The following ATXN1 variants were observed in gnomAD, a reference collection of about 807,000 sequenced individuals.
ATXN1 encodes ataxin 1.
In ATXN1, 8 loss-of-function variants were observed where a neutral mutation model predicts 56.4. The ratio of observed to expected loss-of-function variants is 0.14; its 90% confidence interval spans 0.08 to 0.26. The LOEUF (loss-of-function observed/expected upper bound fraction) is 0.26. ATXN1 is among the 10% of genes least tolerant of loss of function. The pLI, the probability that ATXN1 is intolerant of heterozygous loss-of-function variation, is 1.00. For synonymous variants in ATXN1, 514 were observed against 494.6 expected, an observed-to-expected ratio of 1.04 and a Z score of -0.52; for missense variants, 987 against 1,106.5, an observed-to-expected ratio of 0.89 and a Z score of 1.53.
intron 4 of ATXN1, among the ~76,000 whole-genome samples, chr6:16,560,920 T>C (rs1762104221): frequency 6.6e-6 from 1 of 152,184 alleles, no homozygotes; most frequent in African/African-American, 2.4e-5. Flanking sequence ...CAACCTTGCC[T>C]CTTCAAAATG....
chr6:16,319,372 T>A (rs766108328), intron 7 of ATXN1, among the ~76,000 whole-genome samples: 1 of 152,222 alleles, frequency 6.6e-6, no homozygotes, highest in Non-Finnish European at 1.5e-5. Context: ...TGATTCCAAC[T>A]GCATGGCATT....
At chr6:16,647,281 C>T (rs954358878) in intron 3 of ATXN1, among the ~76,000 whole-genome samples, 5 of 152,160 alleles carry the variant, frequency 3.3e-5, no homozygotes, top group African/African-American at 4.8e-5. Context: ...GGATTACAGG[C>T]GTGAGCCACC....
At chr6:16,548,205 A>G (rs1044750539) in intron 4 of ATXN1, among the ~76,000 whole-genome samples, 1 of 152,254 alleles carries the variant, frequency 6.6e-6, no homozygotes, top group Non-Finnish European at 1.5e-5. Context: ...ACCTAAATAT[A>G]GAAAAGATAC....
chr6:16,444,604 T>C lies in ATXN1; in HGVS notation c.-161+41368A>G, dbSNP rs145763191. 3.2e-3 allele frequency among the ~76,000 whole-genome samples: 494 copies of C among 152,258 alleles called. 2 individuals are homozygous for C. The highest frequency in any genetic ancestry group is 0.011 in the African/African-American group (472 of 41,528). ...TAGCTGTATCGTGCAAATTGGTAAATAGACAGAATCTAGTATATTATCCTG... is the reference window on the plus strand; with the variant it reads ...TAGCTGTATCGTGCAAATTGGTAAACAGACAGAATCTAGTATATTATCCTG... On this transcript the variant is annotated intron_variant, in intron 6 of 7. Coordinates refer to ENST00000436367, the MANE Select transcript of ATXN1 (RefSeq NM_001128164.2).
At chr6:16,632,226 G>A (rs1171598729) in intron 3 of ATXN1, among the ~76,000 whole-genome samples, 1 of 152,088 alleles carries the variant, frequency 6.6e-6, no homozygotes, top group Admixed American at 6.5e-5. Context: ...CCGCATGTTA[G>A]AGGCATCCTT....
chr6:16,306,197 A>C lies in ATXN1; in HGVS notation c.*132T>G. On this transcript the variant is annotated 3_prime_UTR_variant, in exon 8 of 8. Coordinates refer to ENST00000436367, the MANE Select transcript of ATXN1 (RefSeq NM_001128164.2). The surrounding 1 kb of genome is among the most constrained non-coding windows in gnomAD (Gnocchi z 5.2). Reference sequence around the variant, plus strand: ...CCTGCGACACACCTGCTGTAACTCTAATGACAAGGTTAGAACAGAAACCTA... The same window carrying C: ...CCTGCGACACACCTGCTGTAACTCTCATGACAAGGTTAGAACAGAAACCTA... 1 of 1,147,740 alleles carries C rather than the reference A, an allele frequency of 8.7e-7. No individual in the cohort carries two copies. Among genetic ancestry groups the C allele is most frequent in the Non-Finnish European group, 1.2e-6 (1 of 817,138 alleles). The allele number at this position is 1,147,740 out of a possible 1,614,324, so 71.1% of individuals were successfully genotyped here.
chr6:16,385,794 C>T (rs73724847), intron 6 of ATXN1, among the ~76,000 whole-genome samples: 17,815 of 152,254 alleles, frequency 0.12, 1,103 homozygotes, highest in African/African-American at 0.14. Context: ...TGGCTTACTA[C>T]TTTGCCTTTG....
intron 4 of ATXN1, among the ~76,000 whole-genome samples, chr6:16,581,394 T>C (rs1394380879): frequency 6.6e-6 from 1 of 151,872 alleles, no homozygotes; most frequent in Non-Finnish European, 1.5e-5. Context: ...AGGGATACAA[T>C]AGAGAAAAAG....
chr6:16,399,120 G>C (rs1449523027), intron 6 of ATXN1, among the ~76,000 whole-genome samples: 1 of 152,172 alleles, frequency 6.6e-6, no homozygotes, highest in Non-Finnish European at 1.5e-5. Context: ...CCCCTTGTCA[G>C]GATTTTTGAG....
intron 2 of ATXN1, among the ~76,000 whole-genome samples, chr6:16,697,067 T>C (rs893197312): frequency 1.3e-5 from 2 of 152,178 alleles, no homozygotes; most frequent in Non-Finnish European, 2.9e-5. Context: ...CACGTTACAG[T>C]GGAAACGCCA....
chr6:16,549,983 G>A (rs576683631), intron 4 of ATXN1, among the ~76,000 whole-genome samples: 12 of 150,698 alleles, frequency 8.0e-5, no homozygotes, highest in African/African-American at 2.7e-4. Flanking sequence ...GACACAGGAA[G>A]GGGAACAACA....
chr6:16,346,878 G>A lies in ATXN1; in HGVS notation c.-160-18408C>T, dbSNP rs933736518. Among the ~76,000 whole-genome samples, 13 of 152,232 alleles carry A rather than the reference G, an allele frequency of 8.5e-5. No homozygotes were observed. In the East Asian group the frequency reaches 2.5e-3, roughly 29 times the overall value. The stretch of plus-strand genomic sequence containing the variant: ...GCTCCCTCAGCTTGCGCGGAGGTGT[G>A]GAAGGAGAGGCGTGGGTGGGAACCC... On this transcript the variant is annotated intron_variant, in intron 6 of 7. Transcript: ENST00000436367.
chr6:16,340,934 C>T (rs1376241835), intron 6 of ATXN1, among the ~76,000 whole-genome samples: 1 of 152,206 alleles, frequency 6.6e-6, no homozygotes. Flanking sequence ...CTGTGGAAAT[C>T]TCCCCAATGG....
At position 16,624,354 on chromosome 6, in the gene ATXN1, G is replaced by GAA. The variant is rs58614013; in HGVS notation, c.-489+33420_-489+33421dup. ...GGATGAGAGCGAGACTTTGTCTCAA[G>GAA]AAAAAAAAAAAAAAAAAAGAGTTCT... On this transcript the variant is annotated intron_variant, in intron 3 of 7. Coordinates refer to ENST00000436367, the MANE Select transcript of ATXN1 (RefSeq NM_001128164.2). Among the ~76,000 whole-genome samples the GAA allele has an allele frequency of 9.5e-3, 1,042 of 109,230 alleles. 18 individuals carry two copies. The highest frequency in any genetic ancestry group is 0.045 in the East Asian group (177 of 3,962). 71.7% of individuals were successfully genotyped at this position (109,230 alleles called of 152,430 possible).
intron 3 of ATXN1, among the ~76,000 whole-genome samples, chr6:16,626,012 A>G (rs772409211): frequency 9.9e-5 from 15 of 152,194 alleles, no homozygotes; most frequent in Non-Finnish European, 1.6e-4. Context: ...CTGTTTCATA[A>G]CAGTCCTCAC....
In ATXN1 at chr6:16,305,933, T is replaced by C. The variant is rs1030607237; in HGVS notation, c.*396A>G. On this transcript the variant is annotated 3_prime_UTR_variant, in exon 8 of 8. Transcript: ENST00000436367. ...CCCTCACTCGCCGCCACAGCGCCTG[T>C]GCACCCCCACATGCGTGCAACCCTG... 3.6e-5 allele frequency: 6 copies of C among 166,916 alleles called. No individual in the cohort carries two copies. The highest frequency in any genetic ancestry group is 6.5e-5 in the Non-Finnish European group (5 of 76,594). 10.3% of individuals were successfully genotyped at this position (166,916 alleles called of 1,614,324 possible).
At chr6:16,448,909 A>G (rs1442810007) in intron 6 of ATXN1, among the ~76,000 whole-genome samples, 1 of 152,224 alleles carries the variant, frequency 6.6e-6, no homozygotes, top group Non-Finnish European at 1.5e-5. Context: ...AGATTTGCCA[A>G]CTGATTTATT....
At chr6:16,542,176 T>C (rs906174909) in intron 4 of ATXN1, among the ~76,000 whole-genome samples, 5 of 151,808 alleles carry the variant, frequency 3.3e-5, no homozygotes, top group African/African-American at 1.2e-4. Context: ...TGCTCTTGAG[T>C]GCCTAGTGGG....
At chr6:16,740,780 G>A (rs539082586) in intron 2 of ATXN1, among the ~76,000 whole-genome samples, 42 of 152,162 alleles carry the variant, frequency 2.8e-4, no homozygotes, top group East Asian at 1.5e-3. Context: ...CGATCCCACC[G>A]CCTTGGCCTC....
Sources: gnomAD v4.1 joint callset for allele counts (sites outside exome capture counted in the v4.1 genomes callset) on GRCh38, gnomAD v4.1.1 for gene constraint, Gnocchi (gnomAD v3.1) non-coding constraint, MANE v1.5 for transcripts, NCBI Gene and HGNC (gene_info 2026-07-23, HGNC 2026-07-21) for gene names.